The following GRIP1 variants were observed in gnomAD, a reference collection of about 807,000 sequenced individuals.
GRIP1 encodes the protein glutamate receptor-interacting protein 1.
A neutral mutation model predicts 129.9 loss-of-function variants in GRIP1; 45 were observed. The observed-to-expected ratio is 0.35, with a 90% CI of 0.27 to 0.44. GRIP1 has a LOEUF of 0.44. GRIP1 is among the 20% of genes least tolerant of loss of function. The pLI is 1.00. For missense variants in GRIP1, 1,196 were observed against 1,396.8 expected (o/e 0.86, Z 2.29); for synonymous variants, 530 against 520.8 (o/e 1.02, Z -0.24).
Position 67,056,252 on chromosome 12 carries a change from G to C in GRIP1, c.58+12798C>G, listed in dbSNP as rs893502649. Among the ~76,000 whole-genome samples, 3 of 152,162 alleles carry C rather than the reference G, an allele frequency of 2.0e-5. No individual in the cohort carries two copies. In the South Asian group the frequency reaches 6.2e-4, roughly 31 times the overall value. On this transcript the variant is annotated intron_variant, in intron 1 of 1. Transcript: ENST00000643019. ...AGACAGGACACAGTGAACATATCTA[G>C]CATCTATTGCATGATGTCTGGAGCC...
intron 1 of GRIP1, among the ~76,000 whole-genome samples, chr12:66,819,260 C>T (rs1156939723): frequency 6.6e-6 from 1 of 152,074 alleles, no homozygotes; most frequent in Non-Finnish European, 1.5e-5. Context: ...CTAATAAGCT[C>T]AGTAGATGGA....
chr12:66,553,446 C>T (rs2062209778), intron 2 of GRIP1, among the ~76,000 whole-genome samples: 1 of 151,938 alleles, frequency 6.6e-6, no homozygotes, highest in Non-Finnish European at 1.5e-5. Flanking sequence ...TAGACTTAGT[C>T]CCTGACCTCA....
At chr12:67,009,763 T>C (rs1390875574) in intron 1 of GRIP1, among the ~76,000 whole-genome samples, 5 of 152,158 alleles carry the variant, frequency 3.3e-5, no homozygotes, top group African/African-American at 1.2e-4. Context: ...TTTTTAAATA[T>C]AGTAAAAGGA....
intron 1 of GRIP1, among the ~76,000 whole-genome samples, chr12:66,790,797 T>C (rs187280908): frequency 2.0e-4 from 30 of 151,934 alleles, no homozygotes; most frequent in African/African-American, 2.7e-4. Flanking sequence ...CAGAGCTCAT[T>C]TGTGACATCT....
intron 16 of GRIP1, among the ~76,000 whole-genome samples, chr12:66,398,409 G>A (rs2056872669): frequency 6.6e-6 from 1 of 151,880 alleles, no homozygotes; most frequent in Non-Finnish European, 1.5e-5. Flanking sequence ...TAGAACCACT[G>A]CAATTCCTTA....
intron 23 of GRIP1, 101 bp from the exon 24 acceptor site, chr12:66,353,664 A>T (rs1214973966): frequency 2.0e-6 from 2 of 1,012,172 alleles, no homozygotes; most frequent in African/African-American, 3.2e-5. Flanking sequence ...TAGTCACATC[A>T]TGATTTGTAA....
At chr12:66,894,073 C>T (rs1475957768) in intron 1 of GRIP1, among the ~76,000 whole-genome samples, 2 of 152,196 alleles carry the variant, frequency 1.3e-5, no homozygotes, top group Non-Finnish European at 2.9e-5. Flanking sequence ...CTGGAATGCT[C>T]ATCCCTCAAA....
chr12:66,947,161 C>G (rs913620830), intron 1 of GRIP1, among the ~76,000 whole-genome samples: 1 of 152,156 alleles, frequency 6.6e-6, no homozygotes, highest in South Asian at 2.1e-4. Context: ...CTCATCTCCT[C>G]GCTTTTATCA....
At chr12:66,586,016 T>C (rs1308224345) in intron 2 of GRIP1, among the ~76,000 whole-genome samples, 1 of 152,304 alleles carries the variant, frequency 6.6e-6, no homozygotes, top group South Asian at 2.1e-4. Flanking sequence ...CACACGAACA[T>C]GCTGCATCCT....
chr12:66,488,366 G>C (rs2060012841), intron 7 of GRIP1, among the ~76,000 whole-genome samples: 1 of 152,162 alleles, frequency 6.6e-6, no homozygotes, highest in South Asian at 2.1e-4. Context: ...ACCTGCTCCT[G>C]AGTGACCCTT....
intron 1 of GRIP1, among the ~76,000 whole-genome samples, chr12:66,740,507 T>C (rs2036755389): frequency 6.6e-6 from 1 of 152,202 alleles, no homozygotes; most frequent in African/African-American, 2.4e-5. Context: ...CATAGATGGT[T>C]TGAAACCTGA....
intron 1 of GRIP1, among the ~76,000 whole-genome samples, chr12:67,002,290 C>T (rs936611108): frequency 5.9e-5 from 9 of 152,080 alleles, no homozygotes; most frequent in African/African-American, 2.2e-4. Context: ...CTGAAGACAA[C>T]CTGAAGCAAC....
At chr12:66,782,665 T>C (rs927511134) in intron 1 of GRIP1, among the ~76,000 whole-genome samples, 2 of 152,140 alleles carry the variant, frequency 1.3e-5, no homozygotes, top group African/African-American at 2.4e-5. Flanking sequence ...TAGCCCCAAA[T>C]TGCATAGGTA....
rs2054083549 is a variant in GRIP1, at chr12:66,348,617, A to G, written c.*402T>C. The G allele has an allele frequency of 4.8e-6, 1 of 209,958 alleles. No homozygotes were observed. Among genetic ancestry groups the G allele is most frequent in the Non-Finnish European group, 9.7e-6 (1 of 103,222 alleles). The allele number at this position is 209,958 out of a possible 1,614,324, so 13.0% of individuals were successfully genotyped here. On this transcript the variant is annotated 3_prime_UTR_variant, in exon 25 of 25. Coordinates refer to ENST00000359742, the MANE Select transcript of GRIP1 (RefSeq NM_001366722.1). ...CTTTGTTGGCCAAGTTCTTACATTA[A>G]TGACTTCATAGTAAGAAACTGATTT...
At chr12:66,803,405 G>A (rs1203977643) in intron 1 of GRIP1, among the ~76,000 whole-genome samples, 4 of 152,100 alleles carry the variant, frequency 2.6e-5, no homozygotes, top group Non-Finnish European at 4.4e-5. Context: ...AACTTAAAGC[G>A]CTGACAGATA....
intron 16 of GRIP1, among the ~76,000 whole-genome samples, chr12:66,401,557 C>T (rs1013474179): frequency 5.7e-5 from 8 of 140,330 alleles, no homozygotes; most frequent in South Asian, 4.6e-4. Flanking sequence ...CCAGCCTGGG[C>T]GACAAGAGCA....
chr12:66,858,231 A>G (rs775314467), intron 1 of GRIP1, among the ~76,000 whole-genome samples: 3 of 151,894 alleles, frequency 2.0e-5, no homozygotes, highest in Non-Finnish European at 2.9e-5. Flanking sequence ...TAATTTTCCA[A>G]ATGGTCTGTA....
At chr12:66,812,975 T>C (rs765789334) in intron 1 of GRIP1, among the ~76,000 whole-genome samples, 1 of 152,120 alleles carries the variant, frequency 6.6e-6, no homozygotes, top group Non-Finnish European at 1.5e-5. Flanking sequence ...ACTCTAAAGA[T>C]AGAACAGTGC....
chr12:66,560,709 C>T (rs1332419713), intron 2 of GRIP1, among the ~76,000 whole-genome samples: 1 of 152,100 alleles, frequency 6.6e-6, no homozygotes, highest in African/African-American at 2.4e-5. Context: ...GTCTTGTACA[C>T]TGTTGGTGGG....
Sources: gnomAD v4.1 joint callset for allele counts (sites outside exome capture counted in the v4.1 genomes callset) on GRCh38, gnomAD v4.1.1 for gene constraint, MANE v1.5 for transcripts, NCBI Gene and HGNC (gene_info 2026-07-23, HGNC 2026-07-21) for gene names.